REEP4: variants seen among roughly 807,000 people sequenced by gnomAD.
REEP4 encodes the protein receptor accessory protein 4, also known as receptor expression-enhancing protein 4.
A neutral mutation model predicts 33.5 loss-of-function variants in REEP4; 17 were observed. The ratio of observed to expected loss-of-function variants is 0.51; its 90% CI spans 0.35 to 0.76. The LOEUF (loss-of-function observed/expected upper bound fraction) is 0.76. Ranked by LOEUF, REEP4 falls within the 30% of genes least tolerant of loss-of-function variation. REEP4 has a pLI of 0.01. For synonymous variants in REEP4, 157 were observed against 142.9 expected, an observed-to-expected ratio of 1.10 and a Z score of -0.70; for missense variants, 340 against 357.9, an observed-to-expected ratio of 0.95 and a Z score of 0.40.
chr8:22,139,144 G>A (rs1248110427), intron 5 of REEP4, 83 bp from the exon 6 acceptor site: 6 of 1,517,760 alleles, frequency 4.0e-6, no homozygotes, highest in Admixed American at 3.9e-5. Context: ...AGACGCAGAA[G>A]TGAAAACTGC....
Position 22,141,565 on chromosome 8 carries a change from C to A in REEP4, c.-83G>T. 1 of 1,462,426 alleles carries A rather than the reference C, an allele frequency of 6.8e-7. No homozygotes were observed. Among genetic ancestry groups the A allele is most frequent in the South Asian group, 1.3e-5 (1 of 75,512 alleles). The allele number at this position is 1,462,426 out of a possible 1,614,324, so 90.6% of individuals were successfully genotyped here. ...CTCAAGGGCTGGGACGGGGGGTGAT[C>A]AGGGCAGTTGCGGGAAGCAGAGGGG... On this transcript the variant is annotated 5_prime_UTR_variant, in exon 1 of 8. Coordinates refer to ENST00000306306, the MANE Select transcript of REEP4 (RefSeq NM_025232.4).
At chr8:22,139,707 C>G (rs1036574136) in intron 4 of REEP4, 178 bp from the exon 5 acceptor site, 5 of 675,404 alleles carry the variant, frequency 7.4e-6, no homozygotes, top group Non-Finnish European at 1.2e-5. Flanking sequence ...CCCGCTCACA[C>G]CTCCATGAGT....
In REEP4 at chr8:22,138,345, G is replaced by A. The variant is rs542588844; in HGVS notation, c.*142C>T. 52 of 967,114 alleles carry A rather than the reference G, an allele frequency of 5.4e-5. No homozygotes were observed. The highest frequency in any genetic ancestry group is 7.2e-5 in the Non-Finnish European group (45 of 622,044). The allele number at this position is 967,114 out of a possible 1,614,324, so 59.9% of individuals were successfully genotyped here. On this transcript the variant is annotated 3_prime_UTR_variant, in exon 8 of 8. Coordinates refer to ENST00000306306, the MANE Select transcript of REEP4 (RefSeq NM_025232.4). ...TGTGGCCTTGGCAGCATCTGCTCCCGGCCCTTAACCATCAGCAGGAGTCAG... is the reference window on the plus strand; with the variant it reads ...TGTGGCCTTGGCAGCATCTGCTCCCAGCCCTTAACCATCAGCAGGAGTCAG...
chr8:22,138,128 G>T lies in REEP4; in HGVS notation c.*359C>A, dbSNP rs1046486505. The stretch of plus-strand genomic sequence containing the variant: ...GCCAGGCCTTATGAAAGGCTATCAA[G>T]TACTTTGAAGGACAGGAAGGAATGA... On this transcript the variant is annotated 3_prime_UTR_variant, in exon 8 of 8. Coordinates refer to ENST00000306306, the MANE Select transcript of REEP4 (RefSeq NM_025232.4). 3.4e-6 allele frequency: 2 copies of T among 588,758 alleles called. No homozygotes were observed. Among genetic ancestry groups the T allele is most frequent in the Middle Eastern group, 4.5e-4 (1 of 2,230 alleles). 36.5% of individuals were successfully genotyped at this position (588,758 alleles called of 1,614,324 possible).
At chr8:22,140,302 C>CCCAGG in intron 2 of REEP4, 54 bp from the exon 3 acceptor site, 1 of 1,549,960 alleles carries the variant, frequency 6.5e-7, no homozygotes, top group Non-Finnish European at 8.9e-7. Context: ...CAACTCCCAA[C>CCCAGG]CCAGGCCAGC....
rs1480400130 is a variant in REEP4, at chr8:22,141,882, C to T, written c.-400G>A. On this transcript the variant is annotated 5_prime_UTR_variant, in exon 1 of 8. Transcript: ENST00000306306. ...GGCCTACAGGGCGGAGTTCGCAACT[C>T]ACTTGAAAGTTGCACGGAACCGAGT... The T allele has an allele frequency of 4.8e-6, 1 of 209,690 alleles. No individual in the cohort carries two copies. Among genetic ancestry groups the T allele is most frequent in the Non-Finnish European group, 9.5e-6 (1 of 105,360 alleles). The allele number at this position is 209,690 out of a possible 1,614,324, so 13.0% of individuals were successfully genotyped here.
At chr8:22,138,900 G>A in intron 6 of REEP4, 26 bp downstream of exon 6, 1 of 1,553,714 alleles carries the variant, frequency 6.4e-7, no homozygotes, top group Non-Finnish European at 8.7e-7. Flanking sequence ...CTCCTGGCAT[G>A]GCTCTGGGCC....
rs564892603 is a variant in REEP4 at position 22,139,946 on chromosome 8, G to A, written c.303+17C>T. 10 of 1,572,928 alleles carry A rather than the reference G, an allele frequency of 6.4e-6. No individual in the cohort carries two copies. Among genetic ancestry groups the A allele is most frequent in the Admixed American group, 1.8e-5 (1 of 54,390 alleles). ...TACCCACCCCTAAGCCTCCCTTCCC[G>A]CTTCCCCCTGGGGTACCTTCTCATG... is the stretch of plus-strand genomic sequence containing the variant. On this transcript the variant is annotated intron_variant, in intron 4 of 7. Transcript: ENST00000306306.
intron 4 of REEP4, 178 bp from the exon 5 acceptor site, chr8:22,139,707 C>A (rs1036574136): frequency 3.0e-6 from 2 of 675,522 alleles, no homozygotes; most frequent in Non-Finnish European, 4.9e-6. Context: ...CCCGCTCACA[C>A]CTCCATGAGT....
chr8:22,139,521 G>C lies in REEP4; in HGVS notation c.312C>G (p.Asp104Glu). The change falls in exon 5 of 8, where the codon GAC (aspartate) becomes GAG (glutamate). Residue 104 changes from aspartate (D) to glutamate (E), a missense_variant. Coordinates refer to ENST00000306306, the MANE Select transcript of REEP4 (RefSeq NM_025232.4). ...PSLSRHEKEIDAYIVQAKERS... is the reference protein window; with the variant it reads ...PSLSRHEKEIEAYIVQAKERS... ...GCTCCTTGGCCTGCACGATGTACGC[G>C]TCGATCTCCTGTGGACCCAATGGGG... The C allele has an allele frequency of 1.2e-6, 2 of 1,608,588 alleles. No individual in the cohort carries two copies. The highest frequency in any genetic ancestry group is 1.7e-6 in the Non-Finnish European group (2 of 1,179,112).
chr8:22,139,155 T>G (rs768616874), intron 5 of REEP4, 94 bp from the exon 6 acceptor site: 1 of 1,487,590 alleles, frequency 6.7e-7, no homozygotes, highest in East Asian at 2.4e-5. Flanking sequence ...TGAAAACTGC[T>G]CAGCAAGCTT....
At chr8:22,141,305 C>T (rs1827226427) in intron 1 of REEP4, 146 bp downstream of exon 1, 2 of 992,062 alleles carry the variant, frequency 2.0e-6, no homozygotes, top group Non-Finnish European at 2.9e-6. Flanking sequence ...ACACCGCGTG[C>T]AAGCCCACAG....
chr8:22,141,361 G>A, intron 1 of REEP4, 90 bp downstream of exon 1: 3 of 1,472,032 alleles, frequency 2.0e-6, no homozygotes, highest in East Asian at 2.5e-5. Flanking sequence ...AGCTCAGAAA[G>A]TTCCTCCTCC....
At position 22,139,600 on chromosome 8, in the gene REEP4, G is replaced by A. The variant is rs1586398755; in HGVS notation, c.304-71C>T. The A allele has an allele frequency of 3.1e-6, 4 of 1,302,832 alleles. No homozygotes were observed. In the Admixed American group the frequency reaches 6.1e-5, roughly 20 times the overall value. The allele number at this position is 1,302,832 out of a possible 1,614,324, so 80.7% of individuals were successfully genotyped here. On this transcript the variant is annotated intron_variant, in intron 4 of 7. Coordinates refer to ENST00000306306, the MANE Select transcript of REEP4 (RefSeq NM_025232.4). ...CCTCTTCCTCTGCAGATTCTGAGAA[G>A]CCACTGGTTGTGGCGCCACCCAGCC...
rs1461251674 is a variant in REEP4, at chr8:22,138,202, T to C, written c.*285A>G. On this transcript the variant is annotated 3_prime_UTR_variant, in exon 8 of 8. Coordinates refer to ENST00000306306, the MANE Select transcript of REEP4 (RefSeq NM_025232.4). ...TTCATTTGCAGGGGTTCAGGGAGGG[T>C]TGCAGGGGTTCAGGGAGGGCTCTTG... 6.4e-6 allele frequency: 4 copies of C among 620,172 alleles called. No homozygotes were observed. The highest frequency in any genetic ancestry group is 5.5e-5 in the East Asian group (2 of 36,474). 38.4% of individuals were successfully genotyped at this position (620,172 alleles called of 1,614,324 possible).
At chr8:22,139,273 C>G in intron 5 of REEP4, 143 bp downstream of exon 5, 1 of 926,386 alleles carries the variant, frequency 1.1e-6, no homozygotes, top group Non-Finnish European at 1.7e-6. Context: ...TCCAGCTCCA[C>G]GCTTCTGCCA....
Position 22,138,628 on chromosome 8 carries a change from C to T in REEP4, c.708+11G>A, listed in dbSNP as rs533568817. On this transcript the variant is annotated intron_variant, in intron 7 of 7. Transcript: ENST00000306306. ...GAGCCCTCCTCCCTCCTGTCGTCCT[C>T]CCACACTGACCTCCCGCACCGGTGG... is the stretch of plus-strand genomic sequence containing the variant. 1.2e-5 allele frequency: 20 copies of T among 1,613,972 alleles called. No homozygotes were observed. The South Asian group carries it at 2.2e-4, about 18-fold the overall frequency.
At chr8:22,140,359 C>A in intron 2 of REEP4, 111 bp from the exon 3 acceptor site, 1 of 1,101,340 alleles carries the variant, frequency 9.1e-7, no homozygotes, top group Non-Finnish European at 1.4e-6. Flanking sequence ...TAGCTGCTTT[C>A]CCCCACACAT....
Position 22,140,693 on chromosome 8 carries a change from C to T in REEP4, c.37G>A (p.Val13Met). 6.2e-7 allele frequency: 1 copy of T among 1,612,916 alleles called. No homozygotes were observed. Among genetic ancestry groups the T allele is most frequent in the Non-Finnish European group, 8.5e-7 (1 of 1,179,314 alleles). ...SWMICRLVVL[V>M]FGMLCPAYAS... The stretch of plus-strand genomic sequence containing the variant: ...TAAGCTGGACACAGCATCCCAAACA[C>T]CAGCCTGGAAGAGCAGCCATGGGGA... Residue 13 changes from valine to methionine, a missense_variant, in exon 2 of 8, where the codon GTG becomes ATG. Transcript: ENST00000306306.
Sources: allele counts gnomAD v4.1 joint callset, GRCh38; gene constraint gnomAD v4.1.1; transcripts MANE v1.5; gene names NCBI Gene and HGNC (gene_info 2026-07-23, HGNC 2026-07-21).